Variants in RBFOX1 observed in about 807,000 individuals in gnomAD.
RBFOX1 encodes RNA binding protein fox-1 homolog 1.
RBFOX1 carries 8 observed loss-of-function variants against 57.7 expected under a neutral mutation model. The observed-to-expected ratio is 0.14, with a 90% CI of 0.08 to 0.25. RBFOX1 has a LOEUF of 0.25. Among genes scored for constraint, RBFOX1 ranks in the 10% least tolerant of loss-of-function variants. RBFOX1 has a pLI of 1.00. For synonymous variants in RBFOX1, 326 were observed against 222.4 expected (o/e 1.47, Z -4.15); for missense variants, 611 against 548.5 (o/e 1.11, Z -1.14).
intron 3 of RBFOX1, among the ~76,000 whole-genome samples, chr16:6,993,013 T>G (rs552150262): frequency 6.6e-6 from 1 of 152,290 alleles, no homozygotes; most frequent in South Asian, 2.1e-4. Flanking sequence ...GAATAGTTCT[T>G]GTCTGAATTT....
At chr16:5,522,370 A>G (rs1380324802) in intron 2 of RBFOX1, among the ~76,000 whole-genome samples, 1 of 152,236 alleles carries the variant, frequency 6.6e-6, no homozygotes, top group Admixed American at 6.5e-5. Context: ...GGGAGCATTG[A>G]GGAAACGGTG....
chr16:5,869,409 C>A (rs188824953), intron 4 of RBFOX1, among the ~76,000 whole-genome samples: 1 of 152,082 alleles, frequency 6.6e-6, no homozygotes, highest in Non-Finnish European at 1.5e-5. Context: ...AAGATTTATA[C>A]GTATATATTT....
chr16:6,831,498 A>AAT (rs1181683463), intron 3 of RBFOX1, among the ~76,000 whole-genome samples: 1 of 152,174 alleles, frequency 6.6e-6, no homozygotes, highest in African/African-American at 2.4e-5. Context: ...TACTTAGCCT[A>AAT]ATATATTTCC....
At chr16:5,398,296 TATGTGTGTGTGC>T (rs1190348398) in intron 1 of RBFOX1, among the ~76,000 whole-genome samples, 2 of 149,520 alleles carry the variant, frequency 1.3e-5, no homozygotes, top group Non-Finnish European at 3.0e-5. Flanking sequence ...CATGTGTGCT[TATGTGTGTGTGC>T]ATGTGTGCTC....
At chr16:7,529,106 C>T (rs924998553) in intron 5 of RBFOX1, among the ~76,000 whole-genome samples, 2 of 151,984 alleles carry the variant, frequency 1.3e-5, no homozygotes, top group African/African-American at 4.8e-5. Context: ...ACAAAAAGTA[C>T]AAAAATTAGC....
At chr16:6,514,702 C>T (rs2096336115) in intron 2 of RBFOX1, among the ~76,000 whole-genome samples, 1 of 151,924 alleles carries the variant, frequency 6.6e-6, no homozygotes, top group Non-Finnish European at 1.5e-5. Flanking sequence ...AAGGATCTAC[C>T]CTCCTCCATA....
intron 2 of RBFOX1, among the ~76,000 whole-genome samples, chr16:6,603,660 TGACTGTAGTGTGAACATTGAG>T (rs1363195505): frequency 6.6e-6 from 1 of 152,212 alleles, no homozygotes; most frequent in East Asian, 1.9e-4. Flanking sequence ...ACCACTAGGC[TGACTGTAGTGTGAACATTGAG>T]GATCCTACCC....
chr16:6,887,718 C>T (rs1333797030), intron 3 of RBFOX1, among the ~76,000 whole-genome samples: 1 of 151,468 alleles, frequency 6.6e-6, no homozygotes, highest in East Asian at 1.9e-4. Context: ...GTTGGAGTGC[C>T]CTGGTGCAAT....
At position 6,445,308 on chromosome 16, in the gene RBFOX1, A is replaced by T. The variant is rs2094462269; in HGVS notation, c.-64+128251A>T. ...CAACGTGCAGGTTTGTTACATATGT[A>T]TACATGTGCCATGAAGATTTTCTTT... is the stretch of plus-strand genomic sequence containing the variant. On this transcript the variant is annotated intron_variant, in intron 2 of 15. Coordinates refer to ENST00000550418, the MANE Select transcript of RBFOX1 (RefSeq NM_018723.4). Among the ~76,000 whole-genome samples, 3 of 152,230 alleles carry T rather than the reference A, an allele frequency of 2.0e-5. No individual in the cohort carries two copies. In the South Asian group the frequency reaches 6.2e-4, roughly 32 times the overall value.
chr16:5,354,896 T>G (rs756509638), intron 1 of RBFOX1, among the ~76,000 whole-genome samples: 1 of 152,140 alleles, frequency 6.6e-6, no homozygotes, highest in East Asian at 1.9e-4. Context: ...AGTGGCCTTC[T>G]TGGAGAGGTC....
intron 3 of RBFOX1, among the ~76,000 whole-genome samples, chr16:7,051,564 G>A (rs762712055): frequency 2.0e-5 from 3 of 152,230 alleles, no homozygotes; most frequent in African/African-American, 7.2e-5. Context: ...ACTACCATCT[G>A]ATTAGAACTG....
At chr16:7,180,087 A>T (rs1039797804) in intron 4 of RBFOX1, among the ~76,000 whole-genome samples, 3 of 151,900 alleles carry the variant, frequency 2.0e-5, no homozygotes, top group African/African-American at 7.3e-5. Flanking sequence ...CAGAGAAAAT[A>T]TTTCTTCTTT....
intron 1 of RBFOX1, among the ~76,000 whole-genome samples, chr16:6,036,883 T>C (rs1239103740): frequency 6.6e-6 from 1 of 152,214 alleles, no homozygotes; most frequent in Non-Finnish European, 1.5e-5. Flanking sequence ...TAAGAGCCCA[T>C]CTTTTTCAGA....
Position 6,307,386 on chromosome 16 carries a change from TA to T in RBFOX1, c.-126-9601del, listed in dbSNP as rs547291138. Among the ~76,000 whole-genome samples, 317 of 146,194 alleles carry T rather than the reference TA, an allele frequency of 2.2e-3. 1 individual carries two copies. The highest frequency in any genetic ancestry group is 8.4e-3 in the African/African-American group (305 of 36,314). ...GACAGAGAGAGACTCATCTTAAAAA[TA>T]AAAAAAACATCATCATTATAGCTAT... On this transcript the variant is annotated intron_variant, in intron 1 of 15. Transcript: ENST00000550418.
intron 4 of RBFOX1, among the ~76,000 whole-genome samples, chr16:5,925,583 T>C (rs903548889): frequency 6.6e-6 from 1 of 152,218 alleles, no homozygotes; most frequent in Non-Finnish European, 1.5e-5. Context: ...TTGCATAACA[T>C]TGTGAATGTA....
chr16:7,544,719 A>G (rs543875040), intron 5 of RBFOX1, among the ~76,000 whole-genome samples: 2 of 152,312 alleles, frequency 1.3e-5, no homozygotes, highest in African/African-American at 4.8e-5. Flanking sequence ...TATTTTAGTC[A>G]CCTAGCTGGT....
intron 3 of RBFOX1, among the ~76,000 whole-genome samples, chr16:6,863,659 T>G (rs926220969): frequency 9.1e-6 from 1 of 110,040 alleles, no homozygotes; most frequent in African/African-American, 4.1e-5. Flanking sequence ...GGTTCTGTTT[T>G]TTTTTTTCCT....
chr16:6,467,166 A>G (rs1281283549), intron 2 of RBFOX1, among the ~76,000 whole-genome samples: 1 of 151,074 alleles, frequency 6.6e-6, no homozygotes, highest in African/African-American at 2.4e-5. Flanking sequence ...TATTAGTTAC[A>G]GTTAATGTAA....
intron 4 of RBFOX1, among the ~76,000 whole-genome samples, chr16:7,192,676 C>G (rs111565000): frequency 7.9e-5 from 12 of 152,220 alleles, no homozygotes; most frequent in East Asian, 3.9e-4. Context: ...TTTCCTGGTA[C>G]CCATCATTGT....
Sources: gnomAD v4.1 joint callset for allele counts (sites outside exome capture counted in the v4.1 genomes callset) on GRCh38, gnomAD v4.1.1 for gene constraint, MANE v1.5 for transcripts, NCBI Gene and HGNC (gene_info 2026-07-23, HGNC 2026-07-21) for gene names.